The following PELI2 variants were observed in gnomAD, a reference collection of about 807,000 sequenced individuals.
PELI2 encodes the protein E3 ubiquitin-protein ligase pellino homolog 2.
Under a neutral mutation model 42.3 loss-of-function variants are expected in PELI2, and 23 were observed. The ratio of observed to expected loss-of-function variants is 0.54; its 90% CI spans 0.39 to 0.77. The LOEUF is 0.77. Among genes scored for constraint, PELI2 ranks in the 30% least tolerant of loss-of-function variants. The pLI is 0.00. For synonymous variants in PELI2, 245 were observed against 212.2 expected, an observed-to-expected ratio of 1.15 and a Z score of -1.34; for missense variants, 463 against 553.2, an observed-to-expected ratio of 0.84 and a Z score of 1.64.
intron 1 of PELI2, among the ~76,000 whole-genome samples, chr14:56,158,078 A>G (rs10467799): frequency 7.6e-4 from 116 of 152,278 alleles, no homozygotes; most frequent in African/African-American, 2.7e-3. Context: ...CCCAGGCTGG[A>G]GTGCAGTGGT....
intron 2 of PELI2, among the ~76,000 whole-genome samples, chr14:56,260,220 C>T (rs1888664436): frequency 6.6e-6 from 1 of 151,714 alleles, no homozygotes; most frequent in Non-Finnish European, 1.5e-5. Flanking sequence ...GGTTATAAAC[C>T]CCAGCTATAT....
At chr14:56,250,366 T>C (rs910721833) in intron 2 of PELI2, among the ~76,000 whole-genome samples, 1 of 152,054 alleles carries the variant, frequency 6.6e-6, no homozygotes, top group Non-Finnish European at 1.5e-5. Flanking sequence ...ATAGGATAGA[T>C]GAATAGATGA....
intron 3 of PELI2, among the ~76,000 whole-genome samples, chr14:56,283,595 G>A (rs938666877): frequency 6.6e-6 from 1 of 152,186 alleles, no homozygotes; most frequent in Non-Finnish European, 1.5e-5. Context: ...ATACTGATTT[G>A]TACCAACCTC....
intron 1 of PELI2, among the ~76,000 whole-genome samples, chr14:56,134,265 A>G (rs1883604634): frequency 6.6e-6 from 1 of 152,212 alleles, no homozygotes; most frequent in Non-Finnish European, 1.5e-5. Flanking sequence ...TTTGCCTTAA[A>G]TGATCTTTCT....
chr14:56,206,137 A>G (rs1291733112), intron 2 of PELI2, among the ~76,000 whole-genome samples: 2 of 152,208 alleles, frequency 1.3e-5, no homozygotes, highest in Non-Finnish European at 1.5e-5. Context: ...TGCAGTAGGA[A>G]GGTGACCTAA....
At chr14:56,259,229 T>C (rs1198649500) in intron 2 of PELI2, among the ~76,000 whole-genome samples, 8 of 152,102 alleles carry the variant, frequency 5.3e-5, no homozygotes, top group Admixed American at 5.2e-4. Context: ...TTAAAGTTTT[T>C]CAGGCAGAAG....
chr14:56,264,013 T>C (rs971464362), intron 2 of PELI2, among the ~76,000 whole-genome samples: 2 of 152,200 alleles, frequency 1.3e-5, no homozygotes, highest in Non-Finnish European at 2.9e-5. Flanking sequence ...TATTTACACA[T>C]TTACCTACTG....
intron 5 of PELI2, among the ~76,000 whole-genome samples, chr14:56,295,148 GGT>G (rs1889957868): frequency 6.6e-6 from 1 of 151,926 alleles, no homozygotes; most frequent in South Asian, 2.1e-4. Flanking sequence ...TCTTTGTTGA[GGT>G]GTACTCACCC....
Position 56,273,369 on chromosome 14 carries a change from A to G in PELI2, c.208-6307A>G, listed in dbSNP as rs1205935998. Among the ~76,000 whole-genome samples, 4 of 152,336 alleles carry G rather than the reference A, an allele frequency of 2.6e-5. No homozygotes were observed. The East Asian group carries it at 7.7e-4, about 29-fold the overall frequency. On this transcript the variant is annotated intron_variant, in intron 2 of 5. Transcript: ENST00000267460. The surrounding 1 kb of genome is among the most constrained non-coding windows in gnomAD (Gnocchi z 4.3). ...TAGTATCAGAAGTCCCATGTGTCAC[A>G]TCCACGGCATTCTCTTGGTCATTGA...
In PELI2 at chr14:56,239,811, T is replaced by C. The variant is rs552067784; in HGVS notation, c.208-39865T>C. 2.6e-5 allele frequency among the ~76,000 whole-genome samples: 4 copies of C among 152,324 alleles called. No homozygotes were observed. The East Asian group carries it at 7.7e-4, about 29-fold the overall frequency. On this transcript the variant is annotated intron_variant, in intron 2 of 5. Transcript: ENST00000267460. ...CAGAGCTCAGGGGGAGTCGTGGCTG[T>C]TGTGTGACTTTCAGCAAATTCCCCG...
chr14:56,259,870 A>G (rs1888653722), intron 2 of PELI2, among the ~76,000 whole-genome samples: 1 of 152,194 alleles, frequency 6.6e-6, no homozygotes, highest in African/African-American at 2.4e-5. Flanking sequence ...AAGGCAAAGC[A>G]TTTAAGATAG....
chr14:56,263,416 A>T (rs888792494), intron 2 of PELI2, among the ~76,000 whole-genome samples: 1 of 152,242 alleles, frequency 6.6e-6, no homozygotes, highest in Non-Finnish European at 1.5e-5. Flanking sequence ...AAAGAGGTGA[A>T]TGCAAAACTA....
At chr14:56,171,004 A>T (rs928575985) in intron 1 of PELI2, among the ~76,000 whole-genome samples, 2 of 152,154 alleles carry the variant, frequency 1.3e-5, no homozygotes, top group African/African-American at 2.4e-5. Context: ...ATTTCTACAA[A>T]CTTACTGGCT....
intron 3 of PELI2, among the ~76,000 whole-genome samples, chr14:56,282,101 T>C (rs1037111271): frequency 2.0e-5 from 3 of 152,166 alleles, no homozygotes; most frequent in African/African-American, 7.2e-5. Flanking sequence ...ACGCCATTTG[T>C]ACAGAGTTAT....
At chr14:56,241,653 T>A (rs1439544559) in intron 2 of PELI2, among the ~76,000 whole-genome samples, 1 of 152,152 alleles carries the variant, frequency 6.6e-6, no homozygotes. Context: ...GGGCACTTTA[T>A]TGTGAAATTT....
At position 56,288,516 on chromosome 14, in the gene PELI2, A is replaced by G. The variant is rs753068018; in HGVS notation, c.389A>G (p.Gln130Arg). 2 of 1,614,158 alleles carry G rather than the reference A, an allele frequency of 1.2e-6. No homozygotes were observed. Among genetic ancestry groups the G allele is most frequent in the African/African-American group, 2.7e-5 (2 of 75,056 alleles). Reference protein sequence around the residue: ...ISGSQNTDEAQITQSTISRFA... With the variant: ...ISGSQNTDEARITQSTISRFA... The stretch of plus-strand genomic sequence containing the variant: ...GGCAGCCAGAACACGGACGAAGCCC[A>G]GATCACACAGAGCACCATATCCAGG... The change falls in exon 4 of 6, where the codon CAG (glutamine) becomes CGG (arginine). Residue 130 changes from glutamine (Q) to arginine (R), a missense_variant. This residue lies in a region of PELI2 where 343 missense variants were observed against 378.4 expected (regional missense o/e 0.91). Transcript: ENST00000267460. The surrounding 1 kb of genome is among the most constrained non-coding windows in gnomAD (Gnocchi z 4.6).
In PELI2 at chr14:56,230,835, T is replaced by C. The variant is rs189238031; in HGVS notation, c.208-48841T>C. Among the ~76,000 whole-genome samples, 2 of 152,258 alleles carry C rather than the reference T, an allele frequency of 1.3e-5. 1 individual carries two copies. The highest frequency in any genetic ancestry group is 3.9e-4 in the East Asian group (2 of 5,178). On this transcript the variant is annotated intron_variant, in intron 2 of 5. Transcript: ENST00000267460. ...TGGATAAAGAGTCAAGACCCATCAG[T>C]GTGCTGTATTCAGGAGACCCATCTC...
chr14:56,290,359 C>T lies in PELI2; in HGVS notation c.599C>T (p.Thr200Ile). Residue 200 changes from threonine to isoleucine, a missense_variant, in exon 5 of 6, where the codon ACC becomes ATC. This residue lies in a region of PELI2 where 343 missense variants were observed against 378.4 expected (regional missense o/e 0.91). Transcript: ENST00000267460. ...GTGATGCATCCACGAGGGGGCTTCA[C>T]CGAGGAGTCCCAGCCCGGGGTCTGG... Reference protein sequence around the residue: ...VLVMHPRGGFTEESQPGVWRE... With the variant: ...VLVMHPRGGFIEESQPGVWRE... The T allele has an allele frequency of 6.2e-7, 1 of 1,613,840 alleles. No individual in the cohort carries two copies. The highest frequency in any genetic ancestry group is 8.5e-7 in the Non-Finnish European group (1 of 1,179,762).
At chr14:56,157,512 A>G (rs1202189941) in intron 1 of PELI2, among the ~76,000 whole-genome samples, 2 of 152,048 alleles carry the variant, frequency 1.3e-5, no homozygotes, top group East Asian at 1.9e-4. Context: ...AAAAGTGTTT[A>G]TATTTCACAT....
Sources: allele counts gnomAD v4.1 joint callset (sites outside exome capture counted in the v4.1 genomes callset), GRCh38; gene constraint gnomAD v4.1.1; regional missense constraint gnomAD v4.1.1; non-coding constraint Gnocchi (gnomAD v3.1); transcripts MANE v1.5; gene names NCBI Gene and HGNC (gene_info 2026-07-23, HGNC 2026-07-21).